PGAM5: variants seen among roughly 807,000 people sequenced by gnomAD.
The protein encoded by PGAM5 is serine/threonine-protein phosphatase PGAM5, mitochondrial.
In PGAM5, 25 loss-of-function variants were observed where a neutral mutation model predicts 30.6. That is an observed-to-expected ratio of 0.82 (90% CI 0.60 to 1.14). The LOEUF (loss-of-function observed/expected upper bound fraction) is 1.14, where lower values mean the gene tolerates loss of function less well. Ranked by LOEUF, PGAM5 falls within the 50% of genes most tolerant of loss-of-function variation. PGAM5 has a pLI of 0.00. For synonymous variants in PGAM5, 201 were observed against 179.1 expected, an observed-to-expected ratio of 1.12 and a Z score of -0.98; for missense variants, 384 against 408.5, an observed-to-expected ratio of 0.94 and a Z score of 0.52.
chr12:132,711,013 C>G lies in PGAM5; in HGVS notation c.137C>G (p.Ala46Gly). 2 of 1,213,410 alleles carry G rather than the reference C, an allele frequency of 1.6e-6. No individual in the cohort carries two copies. Among genetic ancestry groups the G allele is most frequent in the Non-Finnish European group, 2.0e-6 (2 of 976,426 alleles). 75.2% of individuals were successfully genotyped at this position (1,213,410 alleles called of 1,614,324 possible). Residue 46 changes from alanine (A) to glycine (G), a missense_variant, in exon 1 of 6, where the codon GCC becomes GGC. Transcript: ENST00000498926. ...GAGCCACGCCCGGCTGAGCCGCCGG[C>G]CTGGGCGGGGGGCGCGCGGCCGGGC... ...DAEPRPAEPP[A>G]WAGGARPGPG...
rs752361265 is a variant in PGAM5, at chr12:132,717,987, C to T, written c.586C>T (p.Gln196Ter). The change falls in exon 5 of 6, where the codon CAG (glutamine) becomes TAG (stop). Residue 196 changes from glutamine to a stop codon, truncating the protein, a stop_gained and splice_region_variant. Coordinates refer to ENST00000498926, the MANE Select transcript of PGAM5 (RefSeq NM_001170543.2). LOFTEE classifies it high-confidence loss of function. Reference sequence around the variant, plus strand: ...TGACGGCTCCTCACTCTGCCCCCAGCAGTATTACGAAGACGGAGCCCGGAT... The same window carrying T: ...TGACGGCTCCTCACTCTGCCCCCAGTAGTATTACGAAGACGGAGCCCGGAT... ...PVSHWKPEAV[Q>*]YYEDGARIEA... 37 of 1,612,566 alleles carry T rather than the reference C, an allele frequency of 2.3e-5. 1 individual carries two copies. In the Admixed American group the frequency reaches 2.3e-4, roughly 10 times the overall value.
rs971490810 is a variant in PGAM5 at position 132,721,149 on chromosome 12, C to T, written c.*321C>T. The T allele has an allele frequency of 1.1e-4, 24 of 214,612 alleles. No homozygotes were observed. The highest frequency in any genetic ancestry group is 5.2e-4 in the African/African-American group (23 of 43,842). The allele number at this position is 214,612 out of a possible 1,614,324, so 13.3% of individuals were successfully genotyped here. ...CCCACAGCTGACCCGTGCTGAGGGT[C>T]CAGGCTCCATTGGCAAAGCCGGTCA... On this transcript the variant is annotated 3_prime_UTR_variant, in exon 6 of 6. Transcript: ENST00000498926.
At chr12:132,712,101 C>T (rs1008316344) in intron 1 of PGAM5, among the ~76,000 whole-genome samples, 3 of 152,054 alleles carry the variant, frequency 2.0e-5, no homozygotes, top group Admixed American at 6.5e-5. Flanking sequence ...CTTATTTCCT[C>T]TATTATTAGC....
intron 4 of PGAM5, 47 bp from the exon 5 acceptor site, chr12:132,717,935 ACCCGC>A: frequency 6.2e-7 from 1 of 1,608,508 alleles, no homozygotes; most frequent in Non-Finnish European, 8.5e-7. Flanking sequence ...TCCTCCTGAC[ACCCGC>A]CCTGCCCGAG....
Position 132,720,855 on chromosome 12 carries a change from C to T in PGAM5, c.*27C>T, listed in dbSNP as rs1330549056. The T allele has an allele frequency of 6.5e-6, 10 of 1,530,606 alleles. No individual in the cohort carries two copies. The highest frequency in any genetic ancestry group is 8.7e-6 in the Non-Finnish European group (10 of 1,143,136). 94.8% of individuals were successfully genotyped at this position (1,530,606 alleles called of 1,614,324 possible). The stretch of plus-strand genomic sequence containing the variant: ...GGCTCCGGCCTCTCCTTCCCTCTGT[C>T]CTCCCTGCACAGGCCGCACACACTT... On this transcript the variant is annotated 3_prime_UTR_variant, in exon 6 of 6. Coordinates refer to ENST00000498926, the MANE Select transcript of PGAM5 (RefSeq NM_001170543.2).
intron 2 of PGAM5, 135 bp downstream of exon 2, chr12:132,715,171 G>A: frequency 1.2e-6 from 1 of 851,514 alleles, no homozygotes; most frequent in South Asian, 1.8e-5. Flanking sequence ...AAAGTGCTTG[G>A]GGCACTGGGC....
intron 5 of PGAM5, among the ~76,000 whole-genome samples, chr12:132,718,374 G>C (rs1487561486): frequency 8.2e-6 from 1 of 121,590 alleles, no homozygotes; most frequent in Non-Finnish European, 1.6e-5. Context: ...CCTGGGTGGG[G>C]TGCGTGCTGG....
rs375068490 is a variant in PGAM5 at position 132,717,772 on chromosome 12, G to C, written c.559G>C (p.Val187Leu). The change falls in exon 4 of 6, where the codon GTG becomes CTG. Residue 187 changes from valine (V) to leucine (L), a missense_variant. Physicochemically the swap from Val to Leu is conservative, Grantham distance 32. Transcript: ENST00000498926. ...CGCCCCCATCGAGCCAGACCCGCCCGTGTCTCATTGGAAGCCGGAAGCTGT... is the reference window on the plus strand; with the variant it reads ...CGCCCCCATCGAGCCAGACCCGCCCCTGTCTCATTGGAAGCCGGAAGCTGT... ...EGAPIEPDPP[V>L]SHWKPEAVQY... 6 of 1,588,204 alleles carry C rather than the reference G, an allele frequency of 3.8e-6. No homozygotes were observed. The highest frequency in any genetic ancestry group is 1.1e-5 in the South Asian group (1 of 88,166).
At chr12:132,717,597 A>T in intron 3 of PGAM5, 33 bp downstream of exon 3, 1 of 1,606,950 alleles carries the variant, frequency 6.2e-7, no homozygotes, top group African/African-American at 1.3e-5. Context: ...CCATGCTTGC[A>T]GCAGTGGGCG....
intron 5 of PGAM5, chr12:132,718,957 C>T (rs2043616587): frequency 1.3e-6 from 2 of 1,505,298 alleles, no homozygotes. Context: ...CCTCAACCTG[C>T]TCTGGTGCCC....
chr12:132,717,740 G>A lies in PGAM5; in HGVS notation c.527G>A (p.Arg176Gln), dbSNP rs377736050. The A allele has an allele frequency of 1.5e-5, 24 of 1,583,598 alleles. No homozygotes were observed. Among genetic ancestry groups the A allele is most frequent in the Admixed American group, 3.6e-5 (2 of 55,474 alleles). ...GVCKVSTDLL[R>Q]EGAPIEPDPP... ...TGCAAAGTCAGCACAGATCTGCTGC[G>A]GGAAGGCGCCCCCATCGAGCCAGAC... The change falls in exon 4 of 6, where the codon CGG becomes CAG. Residue 176 changes from arginine to glutamine, a missense_variant. Transcript: ENST00000498926.
chr12:132,717,664 GC>G (rs780514265), intron 3 of PGAM5, 45 bp from the exon 4 acceptor site: 79 of 1,564,560 alleles, frequency 5.0e-5, no homozygotes, highest in Non-Finnish European at 6.5e-5. Context: ...CAGCATCTCC[GC>G]CGGCGGGGCC....
intron 5 of PGAM5, chr12:132,719,005 C>T: frequency 5.6e-6 from 8 of 1,435,522 alleles, no homozygotes; most frequent in African/African-American, 2.9e-5. Context: ...GTTCAGGTTG[C>T]GTTTTCCCTG....
In PGAM5 at chr12:132,717,786, G is replaced by T. The variant is rs779142014; in HGVS notation, c.573G>T (p.Lys191Asn). 3 of 1,586,318 alleles carry T rather than the reference G, an allele frequency of 1.9e-6. No homozygotes were observed. Among genetic ancestry groups the T allele is most frequent in the Non-Finnish European group, 2.6e-6 (3 of 1,166,458 alleles). ...IEPDPPVSHW[K>N]PEAVQYYEDG... The stretch of plus-strand genomic sequence containing the variant: ...CAGACCCGCCCGTGTCTCATTGGAA[G>T]CCGGAAGCTGTGGTAAAAACCTCCC... The change falls in exon 4 of 6, where the codon AAG (lysine) becomes AAT (asparagine). Residue 191 changes from lysine to asparagine, a missense_variant. Physicochemically the swap from Lys to Asn is moderately conservative, Grantham distance 94. Transcript: ENST00000498926.
chr12:132,715,352 CCT>C (rs1437221367), intron 2 of PGAM5, among the ~76,000 whole-genome samples: 1 of 151,124 alleles, frequency 6.6e-6, no homozygotes, highest in Non-Finnish European at 1.5e-5. Context: ...AGGTGGATTA[CCT>C]GAGGTCAGGA....
chr12:132,717,343 A>C (rs989072782), intron 2 of PGAM5, 96 bp from the exon 3 acceptor site: 294 of 1,135,280 alleles, frequency 2.6e-4, no homozygotes, highest in African/African-American at 1.9e-3. Context: ...GGGGTGTTTG[A>C]GGGTGGAGGA....
At position 132,718,023 on chromosome 12, in the gene PGAM5, T is replaced by G; in HGVS notation, c.622T>G (p.Phe208Val). The G allele has an allele frequency of 6.2e-7, 1 of 1,612,772 alleles. No homozygotes were observed. Residue 208 changes from phenylalanine (F) to valine (V), a missense_variant, in exon 5 of 6, where the codon TTC becomes GTC. By Grantham distance (50) the Phe-to-Val change is conservative. Transcript: ENST00000498926. ...YEDGARIEAA[F>V]RNYIHRADAR... ...AGACGGAGCCCGGATCGAGGCCGCC[T>G]TCCGGAACTACATCCACCGCGCAGA...
rs2043517135 is a variant in PGAM5, at chr12:132,711,056, C to G, written c.180C>G (p.Pro60=). 18 of 1,212,248 alleles carry G rather than the reference C, an allele frequency of 1.5e-5. No individual in the cohort carries two copies. The South Asian group carries it at 4.6e-4, about 31-fold the overall frequency. The allele number at this position is 1,212,248 out of a possible 1,614,324, so 75.1% of individuals were successfully genotyped here. A position where few individuals can be genotyped will look rare whatever the true frequency, so the allele number is the denominator to read the frequency against. ...GARPGPGVWD[P]NWDRREPLSL... The stretch of plus-strand genomic sequence containing the variant: ...GGCCGGGCCCCGGTGTCTGGGACCC[C>G]AACTGGGACAGGTGCGCGCGGGGCT... The change falls in exon 1 of 6, where the codon CCC becomes CCG. Residue 60 remains proline (P), a synonymous_variant. Coordinates refer to ENST00000498926, the MANE Select transcript of PGAM5 (RefSeq NM_001170543.2).
rs1451053741 is a variant in PGAM5 at position 132,720,660 on chromosome 12, C to A, written c.720-18C>A. On this transcript the variant is annotated intron_variant, in intron 5 of 5. Coordinates refer to ENST00000498926, the MANE Select transcript of PGAM5 (RefSeq NM_001170543.2). Reference sequence around the variant, plus strand: ...CCTGGCTCTAACGTGCTCTTTCTCTCTCTCTCTCTCTCCCCAGAGCACTGC... The same window carrying A: ...CCTGGCTCTAACGTGCTCTTTCTCTATCTCTCTCTCTCCCCAGAGCACTGC... The A allele has an allele frequency of 6.5e-7, 1 of 1,527,816 alleles. No homozygotes were observed. 94.6% of individuals were successfully genotyped at this position (1,527,816 alleles called of 1,614,324 possible). A position where few individuals can be genotyped will look rare whatever the true frequency, so the allele number is the denominator to read the frequency against.
Sources: allele counts gnomAD v4.1 joint callset (sites outside exome capture counted in the v4.1 genomes callset), GRCh38; gene constraint gnomAD v4.1.1; transcripts MANE v1.5; gene names NCBI Gene and HGNC (gene_info 2026-07-23, HGNC 2026-07-21).